SLC5A1: variants seen among roughly 807,000 people sequenced by gnomAD.
SLC5A1 encodes the protein solute carrier family 5 member 1.
Under a neutral mutation model 73.5 loss-of-function variants are expected in SLC5A1, and 42 were observed. The ratio of observed to expected loss-of-function variants is 0.57; its 90% CI spans 0.45 to 0.74. The LOEUF is 0.74. Ranked by LOEUF, SLC5A1 falls within the 30% of genes least tolerant of loss-of-function variation. The pLI, the probability that SLC5A1 is intolerant of heterozygous loss-of-function variation, is 0.00. For missense variants in SLC5A1, 634 were observed against 855.4 expected (o/e 0.74, Z 3.23); for synonymous variants, 300 against 317.4 (o/e 0.95, Z 0.58).
At chr22:32,079,122 G>C (rs1338695781) in intron 5 of SLC5A1, among the ~76,000 whole-genome samples, 1 of 151,846 alleles carries the variant, frequency 6.6e-6, no homozygotes, top group African/African-American at 2.4e-5. Context: ...ATGAAGAAAA[G>C]AAAACAAACA....
At chr22:32,090,591 TC>T (rs1477378775) in intron 10 of SLC5A1, among the ~76,000 whole-genome samples, 1 of 152,156 alleles carries the variant, frequency 6.6e-6, no homozygotes, top group Admixed American at 6.5e-5. Flanking sequence ...GTATTGCTCC[TC>T]CTTTTTGGGT....
At chr22:32,075,299 C>A (rs979093162) in intron 5 of SLC5A1, among the ~76,000 whole-genome samples, 34 of 152,132 alleles carry the variant, frequency 2.2e-4, no homozygotes, top group African/African-American at 8.2e-4. Context: ...ACAGCTAGTA[C>A]GTGGCAAAGC....
intron 2 of SLC5A1, among the ~76,000 whole-genome samples, chr22:32,060,033 A>C (rs969258559): frequency 6.7e-6 from 1 of 149,776 alleles, no homozygotes; most frequent in African/African-American, 2.5e-5. Context: ...ACACACACAC[A>C]CACACACACA....
chr22:32,071,901 T>A (rs1002821657), intron 5 of SLC5A1, among the ~76,000 whole-genome samples: 2 of 152,168 alleles, frequency 1.3e-5, no homozygotes, highest in Non-Finnish European at 2.9e-5. Flanking sequence ...GCATTTTTTT[T>A]ATTACGGAAA....
intron 3 of SLC5A1, 53 bp from the exon 4 acceptor site, chr22:32,067,914 G>T (rs1244005719): frequency 6.3e-7 from 1 of 1,588,482 alleles, no homozygotes; most frequent in East Asian, 2.2e-5. Context: ...TCAGGTGGCA[G>T]GGATGGGCTA....
intron 11 of SLC5A1, among the ~76,000 whole-genome samples, chr22:32,095,742 C>G (rs945150184): frequency 6.6e-6 from 1 of 152,110 alleles, no homozygotes; most frequent in Admixed American, 6.5e-5. Flanking sequence ...TTATGTGAGT[C>G]CTTATGTGTT....
At position 32,087,278 on chromosome 22, in the gene SLC5A1, G is replaced by A. The variant is rs548307885; in HGVS notation, c.1129+951G>A. Among the ~76,000 whole-genome samples the A allele has an allele frequency of 1.1e-4, 16 of 152,242 alleles. 1 individual carries two copies. In the South Asian group the frequency reaches 3.3e-3, roughly 32 times the overall value. ...CCACAAAAAATGTTAAGTATTTAAG[G>A]TAATGCATATATTTGCTAATTAGCT... On this transcript the variant is annotated intron_variant, in intron 10 of 14. Coordinates refer to ENST00000266088, the MANE Select transcript of SLC5A1 (RefSeq NM_000343.4).
rs572976940 is a variant in SLC5A1 at position 32,079,875 on chromosome 22, T to G, written c.478-1991T>G. Among the ~76,000 whole-genome samples, 5 of 152,222 alleles carry G rather than the reference T, an allele frequency of 3.3e-5. No individual in the cohort carries two copies. In the East Asian group the frequency reaches 9.6e-4, roughly 29 times the overall value. On this transcript the variant is annotated intron_variant, in intron 5 of 14. Coordinates refer to ENST00000266088, the MANE Select transcript of SLC5A1 (RefSeq NM_000343.4). ...TGGCCATTTCACTTTTGGCAAGACT[T>G]ATGCACAGCAGAGGCGCCTTCCTCC...
chr22:32,078,518 C>T (rs924150435), intron 5 of SLC5A1, among the ~76,000 whole-genome samples: 5 of 152,164 alleles, frequency 3.3e-5, no homozygotes, highest in African/African-American at 1.2e-4. Context: ...GATCTGCTTG[C>T]CTCAGCCTCC....
At chr22:32,094,683 AAT>A in intron 11 of SLC5A1, among the ~76,000 whole-genome samples, 1 of 152,166 alleles carries the variant, frequency 6.6e-6, no homozygotes, top group East Asian at 1.9e-4. Context: ...TGTCAGTTGT[AAT>A]ATCTTCTGTT....
At chr22:32,075,714 T>G (rs2093989826) in intron 5 of SLC5A1, among the ~76,000 whole-genome samples, 1 of 151,900 alleles carries the variant, frequency 6.6e-6, no homozygotes, top group Non-Finnish European at 1.5e-5. Flanking sequence ...GAACATCAGC[T>G]GCACACTGGG....
At chr22:32,099,486 T>C (rs1047918301) in intron 12 of SLC5A1, 135 bp downstream of exon 12, 11 of 911,520 alleles carry the variant, frequency 1.2e-5, no homozygotes, top group African/African-American at 8.1e-5. Flanking sequence ...TGAGGGTTTG[T>C]AGGGAAAGCC....
chr22:32,074,799 T>A (rs2093988203), intron 5 of SLC5A1, among the ~76,000 whole-genome samples: 1 of 152,192 alleles, frequency 6.6e-6, no homozygotes, highest in East Asian at 1.9e-4. Context: ...AGCTGCCCTC[T>A]ACTTAGTGCT....
intron 14 of SLC5A1, among the ~76,000 whole-genome samples, chr22:32,108,383 G>C (rs1259623175): frequency 1.3e-5 from 2 of 152,142 alleles, no homozygotes; most frequent in East Asian, 1.9e-4. Flanking sequence ...TTACAGGCAT[G>C]AGCCACCACA....
At chr22:32,105,429 G>C (rs746884911) in intron 14 of SLC5A1, among the ~76,000 whole-genome samples, 2 of 151,920 alleles carry the variant, frequency 1.3e-5, no homozygotes, top group Non-Finnish European at 2.9e-5. Context: ...GAGTAGCTGG[G>C]AATACAGGCA....
chr22:32,061,525 C>G (rs1047404654), intron 2 of SLC5A1, among the ~76,000 whole-genome samples: 3 of 152,096 alleles, frequency 2.0e-5, no homozygotes, highest in Admixed American at 6.6e-5. Context: ...GTGCCAAACC[C>G]TGGAGGGACT....
At chr22:32,068,425 G>A in intron 4 of SLC5A1, 71 bp from the exon 5 acceptor site, 1 of 937,570 alleles carries the variant, frequency 1.1e-6, no homozygotes, top group South Asian at 1.3e-5. Context: ...TTAGGATGGT[G>A]TCACTGTTCT....
chr22:32,048,150 T>TA (rs35309167), intron 1 of SLC5A1, among the ~76,000 whole-genome samples: 7,350 of 96,396 alleles, frequency 0.076, 266 homozygotes, highest in Non-Finnish European at 0.1. Context: ...AGACTCCATG[T>TA]AAAAAAAAAA....
intron 5 of SLC5A1, among the ~76,000 whole-genome samples, chr22:32,081,655 T>A (rs1202725666): frequency 2.0e-5 from 3 of 152,258 alleles, no homozygotes; most frequent in Non-Finnish European, 4.4e-5. Context: ...ATGGCATATA[T>A]TAAAGGCTCA....
Sources: allele counts gnomAD v4.1 joint callset (sites outside exome capture counted in the v4.1 genomes callset), GRCh38; gene constraint gnomAD v4.1.1; transcripts MANE v1.5; gene names NCBI Gene and HGNC (gene_info 2026-07-23, HGNC 2026-07-21).